IMPA2: variants seen among roughly 807,000 people sequenced by gnomAD.
IMPA2 encodes IMP 2.
Under a neutral mutation model 35.1 loss-of-function variants are expected in IMPA2, and 32 were observed. That is an observed-to-expected ratio of 0.91 (90% CI 0.69 to 1.23). The LOEUF (loss-of-function observed/expected upper bound fraction) is 1.23, where lower values mean the gene tolerates loss of function less well. Ranked by LOEUF, IMPA2 falls within the 50% of genes most tolerant of loss-of-function variation. The probability of loss-of-function intolerance (pLI) is 0.00; values close to 1 mark genes in which losing one functional copy is unlikely to be tolerated. For synonymous variants in IMPA2, 135 were observed against 160.6 expected, an observed-to-expected ratio of 0.84 and a Z score of 1.20; for missense variants, 334 against 387.6, an observed-to-expected ratio of 0.86 and a Z score of 1.16.
chr18:12,013,220 G>T (rs1907481580), intron 4 of IMPA2, among the ~76,000 whole-genome samples: 1 of 152,122 alleles, frequency 6.6e-6, no homozygotes, highest in African/African-American at 2.4e-5. Flanking sequence ...TTTTCGTGGT[G>T]GGCTCCTCCC....
chr18:11,999,327 G>A (rs41491746), intron 2 of IMPA2, 140 bp downstream of exon 2: 100,101 of 652,634 alleles, frequency 0.15, 9,177 homozygotes, highest in South Asian at 0.31. Flanking sequence ...CCTAACCTGC[G>A]ATTTGTCAGT....
rs966280436 is a variant in IMPA2, at chr18:11,991,947, G to A, written c.97-7107G>A. Among the ~76,000 whole-genome samples, 8 of 151,950 alleles carry A rather than the reference G, an allele frequency of 5.3e-5. No homozygotes were observed. The highest frequency in any genetic ancestry group is 4.6e-4 in the Admixed American group (7 of 15,250). ...CAACCTCCACCTCCTGGGCTCACGC[G>A]TTTCTCCTACCTCAGCCCCCTGAGT... On this transcript the variant is annotated intron_variant, in intron 1 of 7. Transcript: ENST00000269159. The surrounding 1 kb of genome is among the most constrained non-coding windows in gnomAD (Gnocchi z 4.1).
intron 1 of IMPA2, among the ~76,000 whole-genome samples, chr18:11,987,358 T>C (rs1262100634): frequency 6.6e-6 from 1 of 152,240 alleles, no homozygotes; most frequent in Non-Finnish European, 1.5e-5. Flanking sequence ...TGAGACGACG[T>C]CTAGCTCTCT....
intron 4 of IMPA2, 38 bp downstream of exon 4, chr18:12,012,253 G>T (rs979611679): frequency 1.3e-6 from 2 of 1,558,218 alleles, no homozygotes; most frequent in African/African-American, 2.7e-5. Context: ...CCCCTCCCTG[G>T]GCTCCCTCTG....
chr18:12,013,072 G>A (rs1297069342), intron 4 of IMPA2, among the ~76,000 whole-genome samples: 1 of 152,234 alleles, frequency 6.6e-6, no homozygotes, highest in Non-Finnish European at 1.5e-5. Flanking sequence ...GTGGGAGGCT[G>A]AGCAGTACTT....
chr18:12,019,529 A>C (rs1907672683), intron 5 of IMPA2, among the ~76,000 whole-genome samples: 2 of 151,588 alleles, frequency 1.3e-5, no homozygotes, highest in South Asian at 4.2e-4. Flanking sequence ...CAGCCTCCCA[A>C]AGTTCTGTAA....
chr18:12,012,060 C>T, intron 3 of IMPA2, 110 bp from the exon 4 acceptor site: 3 of 886,158 alleles, frequency 3.4e-6, no homozygotes, highest in Non-Finnish European at 5.4e-6. Flanking sequence ...ACCAACCCAC[C>T]CAGAGTGTAG....
intron 2 of IMPA2, among the ~76,000 whole-genome samples, chr18:12,007,681 T>C (rs1311195695): frequency 6.8e-6 from 1 of 147,444 alleles, no homozygotes; most frequent in Non-Finnish European, 1.5e-5. Flanking sequence ...CTTTCTTTCC[T>C]TTCTTTCCTT....
chr18:12,029,389 C>T (rs1000050585), intron 7 of IMPA2, among the ~76,000 whole-genome samples: 2 of 151,760 alleles, frequency 1.3e-5, no homozygotes, highest in South Asian at 2.1e-4. Context: ...GCTGGAATTA[C>T]AGGCATGAGC....
intron 1 of IMPA2, chr18:11,994,696 T>C (rs1007107250): frequency 2.0e-5 from 3 of 152,344 alleles, no homozygotes; most frequent in African/African-American, 7.2e-5. Flanking sequence ...ATGCATTCAC[T>C]CAGCAGGTGT....
In IMPA2 at chr18:12,030,777, A is replaced by C. The variant is rs1284035499; in HGVS notation, c.*319A>C. ...CAATCTTGATTTTTCCCCCCAGAATATAAATCTCAGGTAATAAGGCTTTAG... is the reference window on the plus strand; with the variant it reads ...CAATCTTGATTTTTCCCCCCAGAATCTAAATCTCAGGTAATAAGGCTTTAG... On this transcript the variant is annotated 3_prime_UTR_variant, in exon 8 of 8. Coordinates refer to ENST00000269159, the MANE Select transcript of IMPA2 (RefSeq NM_014214.3). The C allele has an allele frequency of 3.3e-6, 1 of 303,528 alleles. No individual in the cohort carries two copies. Among genetic ancestry groups the C allele is most frequent in the Non-Finnish European group, 6.2e-6 (1 of 160,764 alleles). 18.8% of individuals were successfully genotyped at this position (303,528 alleles called of 1,614,324 possible).
chr18:11,998,614 T>C (rs1907024023), intron 1 of IMPA2, among the ~76,000 whole-genome samples: 1 of 152,172 alleles, frequency 6.6e-6, no homozygotes, highest in African/African-American at 2.4e-5. Flanking sequence ...TCTCCTAAAT[T>C]TGAATTCATG....
At chr18:12,013,765 A>T (rs1907498421) in intron 4 of IMPA2, among the ~76,000 whole-genome samples, 1 of 152,184 alleles carries the variant, frequency 6.6e-6, no homozygotes, top group Non-Finnish European at 1.5e-5. Context: ...CTGCCTGCTC[A>T]CGGATCAGTC....
Position 12,003,593 on chromosome 18 carries a change from G to A in IMPA2, c.230+4406G>A, listed in dbSNP as rs188266580. ...TTGAACCTGGGAAGTGGAGGTTGCA[G>A]TGAGCTGAGATTGCACCATTGCACT... On this transcript the variant is annotated intron_variant, in intron 2 of 7. Transcript: ENST00000269159. 3.4e-3 allele frequency among the ~76,000 whole-genome samples: 515 copies of A among 150,050 alleles called. 2 individuals are homozygous for A. Among genetic ancestry groups the A allele is most frequent in the African/African-American group, 0.011 (455 of 40,618 alleles).
chr18:11,981,754 C>G lies in IMPA2; in HGVS notation c.85C>G (p.Arg29Gly). 8.1e-7 allele frequency: 1 copy of G among 1,228,024 alleles called. No homozygotes were observed. Among genetic ancestry groups the G allele is most frequent in the Non-Finnish European group, 1.0e-6 (1 of 985,338 alleles). 76.1% of individuals were successfully genotyped at this position (1,228,024 alleles called of 1,614,324 possible). A position where few individuals can be genotyped will look rare whatever the true frequency, so the allele number is the denominator to read the frequency against. Residue 29 changes from arginine to glycine, a missense_variant, in exon 1 of 8, where the codon CGG becomes GGG. Arg to Gly is a moderately radical substitution (Grantham distance 125). Coordinates refer to ENST00000269159, the MANE Select transcript of IMPA2 (RefSeq NM_014214.3). Reference sequence around the variant, plus strand: ...CCAGGCGGCCGTGCAGCTGGCGCTGCGGGCAGGACAGGTGAGCGCCACGGC... The same window carrying G: ...CCAGGCGGCCGTGCAGCTGGCGCTGGGGGCAGGACAGGTGAGCGCCACGGC... ...CFQAAVQLAL[R>G]AGQIIRKALT... is the part of the protein sequence containing the mutation.
At chr18:12,009,774 G>T in intron 2 of IMPA2, 109 bp from the exon 3 acceptor site, 1 of 786,674 alleles carries the variant, frequency 1.3e-6, no homozygotes, top group South Asian at 1.5e-5. Context: ...AAACCATGAT[G>T]ACATCTGTTT....
chr18:12,009,020 T>C (rs903313491), intron 2 of IMPA2, among the ~76,000 whole-genome samples: 1 of 137,052 alleles, frequency 7.3e-6, no homozygotes, highest in Admixed American at 7.6e-5. Context: ...GCAGGGAGCG[T>C]CCCAGCCTCT....
In IMPA2 at chr18:12,010,243, G is replaced by A; in HGVS notation, c.335+256G>A. 2.4e-6 allele frequency: 1 copy of A among 419,462 alleles called. No homozygotes were observed. Among genetic ancestry groups the A allele is most frequent in the South Asian group, 3.1e-5 (1 of 32,772 alleles). 26.0% of individuals were successfully genotyped at this position (419,462 alleles called of 1,614,324 possible). ...TTTGTTATGTTAAAAATGTTGGGTT[G>A]CATTTAACAAGGACCCCTTGAAGGA... On this transcript the variant is annotated intron_variant, in intron 3 of 7. Transcript: ENST00000269159. This position sits in a 1 kb window ranked among gnomAD's most constrained non-coding sequence, Gnocchi z 4.8.
In IMPA2 at chr18:12,010,204, T is replaced by C; in HGVS notation, c.335+217T>C. The C allele has an allele frequency of 2.1e-6, 1 of 480,206 alleles. No homozygotes were observed. Among genetic ancestry groups the C allele is most frequent in the Middle Eastern group, 4.6e-4 (1 of 2,196 alleles). 29.7% of individuals were successfully genotyped at this position (480,206 alleles called of 1,614,324 possible). A position where few individuals can be genotyped will look rare whatever the true frequency, so the allele number is the denominator to read the frequency against. On this transcript the variant is annotated intron_variant, in intron 3 of 7. Coordinates refer to ENST00000269159, the MANE Select transcript of IMPA2 (RefSeq NM_014214.3). This position sits in a 1 kb window ranked among gnomAD's most constrained non-coding sequence, Gnocchi z 4.8. ...TGGAGTATGTTAGGAAATCTGCACT[T>C]GTTTAAAAACCAGTTTGTTATGTTA... is the stretch of plus-strand genomic sequence containing the variant.
Sources: gnomAD v4.1 joint callset for allele counts (sites outside exome capture counted in the v4.1 genomes callset) on GRCh38, gnomAD v4.1.1 for gene constraint, Gnocchi (gnomAD v3.1) non-coding constraint, MANE v1.5 for transcripts, NCBI Gene and HGNC (gene_info 2026-07-23, HGNC 2026-07-21) for gene names.